The following TMED2 variants were observed in gnomAD, a reference collection of about 807,000 sequenced individuals.
The protein encoded by TMED2 is transmembrane p24 trafficking protein 2.
A neutral mutation model predicts 17.5 loss-of-function variants in TMED2; 3 were observed. That is an observed-to-expected ratio of 0.17 (90% CI 0.08 to 0.44). The LOEUF is 0.44. TMED2 is among the 20% of genes least tolerant of loss of function. TMED2 has a pLI of 0.99. For synonymous variants in TMED2, 95 were observed against 91.0 expected, an observed-to-expected ratio of 1.04 and a Z score of -0.25; for missense variants, 149 against 254.8, an observed-to-expected ratio of 0.58 and a Z score of 2.83.
intron 2 of TMED2, chr12:123,587,617 G>A (rs1487068955): frequency 1.6e-6 from 2 of 1,280,542 alleles, no homozygotes; most frequent in East Asian, 1.1e-4. Flanking sequence ...TTAGGTGGTG[G>A]AGATACCTGG....
chr12:123,584,564 G>GGGC lies in TMED2; in HGVS notation c.-48_-46dup, dbSNP rs71088937. The GGGC allele has an allele frequency of 1.1e-3, 1,546 of 1,399,908 alleles. 2 individuals are homozygous for GGGC. The highest frequency in any genetic ancestry group is 5.1e-3 in the African/African-American group (354 of 69,868). The allele number at this position is 1,399,908 out of a possible 1,614,324, so 86.7% of individuals were successfully genotyped here. A position where few individuals can be genotyped will look rare whatever the true frequency, so the allele number is the denominator to read the frequency against. ...GGCGGCGGTGGCTGAGAAGGCAGCG[G>GGGC]GGCGGCGGCGGCGGCGGCGGCGGCG... On this transcript the variant is annotated 5_prime_UTR_variant, in exon 1 of 4. Coordinates refer to ENST00000262225, the MANE Select transcript of TMED2 (RefSeq NM_006815.4).
At chr12:123,586,114 C>T (rs1236658844) in intron 1 of TMED2, 1 of 152,050 alleles carries the variant, frequency 6.6e-6, no homozygotes, top group Non-Finnish European at 1.5e-5. Flanking sequence ...TGCTATCAGT[C>T]ACAGTTCCAT....
chr12:123,589,736 A>G (rs2135661279), intron 2 of TMED2, among the ~76,000 whole-genome samples: 1 of 151,948 alleles, frequency 6.6e-6, no homozygotes, highest in African/African-American at 2.4e-5. Flanking sequence ...GATTTTGAAA[A>G]GTTATTTTAT....
intron 1 of TMED2, chr12:123,585,501 T>C (rs971045472): frequency 1.3e-5 from 2 of 152,320 alleles, no homozygotes; most frequent in South Asian, 2.1e-4. Flanking sequence ...TCTCCACTCA[T>C]GTTTTGTAAA....
chr12:123,590,315 G>A (rs755068697), intron 2 of TMED2, 27 bp from the exon 3 acceptor site: 1 of 1,426,076 alleles, frequency 7.0e-7, no homozygotes, highest in South Asian at 1.2e-5. Context: ...ATTGACAAAT[G>A]TGTTTTGTTT....
rs563301315 is a variant in TMED2 at position 123,598,246 on chromosome 12, C to T, written c.*1517C>T. The T allele has an allele frequency of 6.6e-6, 1 of 152,100 alleles. No individual in the cohort carries two copies. Among genetic ancestry groups the T allele is most frequent in the Admixed American group, 6.5e-5 (1 of 15,268 alleles). 9.4% of individuals were successfully genotyped at this position (152,100 alleles called of 1,614,324 possible). A position where few individuals can be genotyped will look rare whatever the true frequency, so the allele number is the denominator to read the frequency against. ...GTTCATGTTTTCTGAGTATTTATAC[C>T]TATTACGTCTGTTACTTTTTAATTC... On this transcript the variant is annotated 3_prime_UTR_variant, in exon 4 of 4. Coordinates refer to ENST00000262225, the MANE Select transcript of TMED2 (RefSeq NM_006815.4).
At chr12:123,593,962 ATTT>A (rs764283197) in intron 3 of TMED2, among the ~76,000 whole-genome samples, 75 of 136,862 alleles carry the variant, frequency 5.5e-4, no homozygotes, top group Middle Eastern at 3.8e-3. Flanking sequence ...CACCTGGCTA[ATTT>A]TTTTTTTTTT....
At chr12:123,596,139 GA>G (rs1361336901) in intron 3 of TMED2, among the ~76,000 whole-genome samples, 2 of 152,194 alleles carry the variant, frequency 1.3e-5, no homozygotes, top group African/African-American at 4.8e-5. Context: ...GTGCAAAAGT[GA>G]TGTGCATTCA....
intron 3 of TMED2, among the ~76,000 whole-genome samples, chr12:123,595,904 C>T (rs923032161): frequency 6.6e-6 from 1 of 152,122 alleles, no homozygotes; most frequent in African/African-American, 2.4e-5. Flanking sequence ...TGGTGCATAC[C>T]TGTACTCCCA....
chr12:123,591,327 G>C (rs150794632), intron 3 of TMED2, among the ~76,000 whole-genome samples: 1 of 152,138 alleles, frequency 6.6e-6, no homozygotes, highest in Non-Finnish European at 1.5e-5. Context: ...CTTGTGTTAG[G>C]TTGCAAAAGT....
Position 123,596,817 on chromosome 12 carries a change from T to G in TMED2, c.*88T>G. 7.0e-7 allele frequency: 1 copy of G among 1,420,520 alleles called. No homozygotes were observed. The highest frequency in any genetic ancestry group is 9.3e-7 in the Non-Finnish European group (1 of 1,075,002). The allele number at this position is 1,420,520 out of a possible 1,614,324, so 88.0% of individuals were successfully genotyped here. On this transcript the variant is annotated 3_prime_UTR_variant, in exon 4 of 4. Coordinates refer to ENST00000262225, the MANE Select transcript of TMED2 (RefSeq NM_006815.4). Reference sequence around the variant, plus strand: ...AATGTCATTAGTTTCTCCATTTTTATTTTCTGAACTGTACATTCACAACTT... The same window carrying G: ...AATGTCATTAGTTTCTCCATTTTTAGTTTCTGAACTGTACATTCACAACTT...
chr12:123,594,440 G>A (rs1953415660), intron 3 of TMED2, among the ~76,000 whole-genome samples: 1 of 152,012 alleles, frequency 6.6e-6, no homozygotes, highest in Non-Finnish European at 1.5e-5. Flanking sequence ...AGCCTACATA[G>A]TAATTAAAAG....
At chr12:123,590,514 C>A in intron 3 of TMED2, 65 bp downstream of exon 3, 1 of 1,339,100 alleles carries the variant, frequency 7.5e-7, no homozygotes, top group Non-Finnish European at 1.0e-6. Context: ...CAACAGCTTG[C>A]TCGTATTTTC....
At chr12:123,592,620 T>G (rs1194276261) in intron 3 of TMED2, among the ~76,000 whole-genome samples, 1 of 152,216 alleles carries the variant, frequency 6.6e-6, no homozygotes, top group Non-Finnish European at 1.5e-5. Context: ...GTTCCCATAA[T>G]GTTTTGTTTT....
At position 123,590,327 on chromosome 12, in the gene TMED2, C is replaced by A; in HGVS notation, c.374-15C>A. 3.3e-6 allele frequency: 5 copies of A among 1,514,626 alleles called. No homozygotes were observed. Among genetic ancestry groups the A allele is most frequent in the Non-Finnish European group, 3.6e-6 (4 of 1,119,522 alleles). 93.8% of individuals were successfully genotyped at this position (1,514,626 alleles called of 1,614,324 possible). ...GACATTGACAAATGTGTTTTGTTTT[C>A]AAATCCTTCTATAGCTCACCAGAAC... On this transcript the variant is annotated splice_polypyrimidine_tract_variant and intron_variant, in intron 2 of 3. Transcript: ENST00000262225.
intron 2 of TMED2, among the ~76,000 whole-genome samples, chr12:123,587,188 C>T (rs1401990345): frequency 6.6e-6 from 1 of 151,866 alleles, no homozygotes; most frequent in Non-Finnish European, 1.5e-5. Flanking sequence ...GCTCTTTCGC[C>T]CAGGCTGGAG....
chr12:123,590,986 GA>G lies in TMED2; in HGVS notation c.481+553del, dbSNP rs79667168. On this transcript the variant is annotated intron_variant, in intron 3 of 3. Transcript: ENST00000262225. ...CAATGGAGCTAGACTCTGTCTCAGG[GA>G]AAAAAAAAAAAAAAAGTTTGGGTTT... 9.8e-3 allele frequency among the ~76,000 whole-genome samples: 1,285 copies of G among 131,776 alleles called. 13 individuals carry two copies. The highest frequency in any genetic ancestry group is 0.026 in the African/African-American group (914 of 35,770). 86.5% of individuals were successfully genotyped at this position (131,776 alleles called of 152,430 possible). A position where few individuals can be genotyped will look rare whatever the true frequency, so the allele number is the denominator to read the frequency against.
At chr12:123,587,581 TTG>T (rs1338805051) in intron 2 of TMED2, 1 of 1,271,436 alleles carries the variant, frequency 7.9e-7, no homozygotes. Context: ...TTGGTTCTTT[TTG>T]TGTTAAGATA....
At position 123,584,560 on chromosome 12, in the gene TMED2, A is replaced by G. The variant is rs1274669799; in HGVS notation, c.-77A>G. On this transcript the variant is annotated 5_prime_UTR_variant, in exon 1 of 4. Transcript: ENST00000262225. ...CTTAGGCGGCGGTGGCTGAGAAGGCAGCGGGGCGGCGGCGGCGGCGGCGGC... is the reference window on the plus strand; with the variant it reads ...CTTAGGCGGCGGTGGCTGAGAAGGCGGCGGGGCGGCGGCGGCGGCGGCGGC... 4.8e-6 allele frequency: 7 copies of G among 1,446,654 alleles called. No homozygotes were observed. The African/African-American group carries it at 5.5e-5, about 11-fold the overall frequency. 89.6% of individuals were successfully genotyped at this position (1,446,654 alleles called of 1,614,324 possible). A position where few individuals can be genotyped will look rare whatever the true frequency, so the allele number is the denominator to read the frequency against.
Sources: allele counts gnomAD v4.1 joint callset (sites outside exome capture counted in the v4.1 genomes callset), GRCh38; gene constraint gnomAD v4.1.1; transcripts MANE v1.5; gene names NCBI Gene and HGNC (gene_info 2026-07-23, HGNC 2026-07-21).